Variants in PTK7 observed in about 807,000 individuals in gnomAD.
PTK7 encodes inactive tyrosine-protein kinase 7.
In PTK7, 39 loss-of-function variants were observed where a neutral mutation model predicts 116.6. The observed-to-expected ratio is 0.33, with a 90% CI of 0.26 to 0.44. The LOEUF is 0.44. Ranked by LOEUF, PTK7 falls within the 20% of genes least tolerant of loss-of-function variation. The probability of loss-of-function intolerance (pLI) is 1.00; values close to 1 mark genes in which losing one functional copy is unlikely to be tolerated. For synonymous variants in PTK7, 546 were observed against 563.6 expected, an observed-to-expected ratio of 0.97 and a Z score of 0.44; for missense variants, 1,169 against 1,425.6, an observed-to-expected ratio of 0.82 and a Z score of 2.90.
chr6:43,140,009 G>A (rs1770296168), intron 10 of PTK7, among the ~76,000 whole-genome samples: 1 of 152,196 alleles, frequency 6.6e-6, no homozygotes, highest in Non-Finnish European at 1.5e-5. Flanking sequence ...AGCTGCTTAG[G>A]AGGCTGAAGC....
rs559777363 is a variant in PTK7, at chr6:43,101,323, C to T, written c.79+24756C>T. Among the ~76,000 whole-genome samples, 16 of 151,928 alleles carry T rather than the reference C, an allele frequency of 1.1e-4. No homozygotes were observed. The South Asian group carries it at 1.7e-3, about 16-fold the overall frequency. ...ATCCCAGCACTTTAGGAGGCAGAGG[C>T]GGGCGGATCACAAGGTCAGGAGATT... On this transcript the variant is annotated intron_variant, in intron 1 of 19. Coordinates refer to ENST00000230419, the MANE Select transcript of PTK7 (RefSeq NM_002821.5).
intron 1 of PTK7, among the ~76,000 whole-genome samples, chr6:43,087,019 C>G (rs1475833800): frequency 1.3e-5 from 2 of 152,222 alleles, no homozygotes; most frequent in African/African-American, 4.8e-5. Flanking sequence ...AGCTGTGGCT[C>G]TTTGTTTCCC....
In PTK7 at chr6:43,159,920, T is replaced by A. The variant is rs753303818; in HGVS notation, c.3006T>A (p.His1002Gln). ...FGVLMWEVFTHGEMPHGGQAD... is the reference protein window; with the variant it reads ...FGVLMWEVFTQGEMPHGGQAD... ...TGCTGATGTGGGAAGTGTTTACACATGGAGAGATGCCCCATGGTGGGCAGG... is the reference window on the plus strand; with the variant it reads ...TGCTGATGTGGGAAGTGTTTACACAAGGAGAGATGCCCCATGGTGGGCAGG... The change falls in exon 19 of 20, where the codon CAT becomes CAA. Residue 1002 changes from histidine to glutamine, a missense_variant. His to Gln is a conservative substitution (Grantham distance 24, BLOSUM62 0). Coordinates refer to ENST00000230419, the MANE Select transcript of PTK7 (RefSeq NM_002821.5). 1.2e-6 allele frequency: 2 copies of A among 1,614,162 alleles called. No individual in the cohort carries two copies. Among genetic ancestry groups the A allele is most frequent in the Non-Finnish European group, 8.5e-7 (1 of 1,180,000 alleles).
rs552876659 is a variant in PTK7 at position 43,155,665 on chromosome 6, G to T, written c.2722-3152G>T. Among the ~76,000 whole-genome samples the T allele has an allele frequency of 5.9e-5, 9 of 151,416 alleles. No homozygotes were observed. The East Asian group carries it at 9.8e-4, about 16-fold the overall frequency. Reference sequence around the variant, plus strand: ...TCCATCAAAAAAAAAAAAAGTTAATGTAATTTAGTTACGTTTCATATATAG... The same window carrying T: ...TCCATCAAAAAAAAAAAAAGTTAATTTAATTTAGTTACGTTTCATATATAG... On this transcript the variant is annotated intron_variant, in intron 17 of 19. Coordinates refer to ENST00000230419, the MANE Select transcript of PTK7 (RefSeq NM_002821.5).
chr6:43,079,931 C>T (rs1244571382), intron 1 of PTK7, among the ~76,000 whole-genome samples: 2 of 150,036 alleles, frequency 1.3e-5, no homozygotes, highest in African/African-American at 4.9e-5. Context: ...CATGGTGGCA[C>T]GTGCCTGTGG....
intron 1 of PTK7, among the ~76,000 whole-genome samples, chr6:43,102,099 C>A (rs1767617458): frequency 6.6e-6 from 1 of 151,640 alleles, no homozygotes; most frequent in African/African-American, 2.4e-5. Context: ...TTGCCTCCAA[C>A]TCTGGAGGTG....
intron 1 of PTK7, among the ~76,000 whole-genome samples, chr6:43,118,470 G>GGGTTGCA (rs1376307694): frequency 6.6e-6 from 1 of 151,054 alleles, no homozygotes. Context: ...CAGGAGGCGG[G>GGGTTGCA]GGTTGCAGTG....
chr6:43,080,483 A>G (rs1466445065), intron 1 of PTK7, among the ~76,000 whole-genome samples: 1 of 152,084 alleles, frequency 6.6e-6, no homozygotes, highest in Non-Finnish European at 1.5e-5. Context: ...ATCTTCCCCC[A>G]GTGTTTTTGA....
rs2150446033 is a variant in PTK7 at position 43,139,764 on chromosome 6, G to C, written c.1618+239G>C. ...ACAAGTGATTGGATTGGTTCAGACAGTGCTGTAAAGTCCTCTCTTCCCCTT... is the reference window on the plus strand; with the variant it reads ...ACAAGTGATTGGATTGGTTCAGACACTGCTGTAAAGTCCTCTCTTCCCCTT... On this transcript the variant is annotated intron_variant, in intron 10 of 19. Transcript: ENST00000230419. The surrounding 1 kb of genome is among the most constrained non-coding windows in gnomAD (Gnocchi z 4.6). 6.6e-6 allele frequency among the ~76,000 whole-genome samples: 1 copy of C among 152,360 alleles called. No individual in the cohort carries two copies. Among genetic ancestry groups the C allele is most frequent in the Non-Finnish European group, 1.5e-5 (1 of 68,024 alleles).
intron 1 of PTK7, among the ~76,000 whole-genome samples, chr6:43,124,714 C>G (rs374120805): frequency 2.6e-5 from 4 of 152,172 alleles, no homozygotes; most frequent in African/African-American, 9.7e-5. Context: ...CAACGTCCCC[C>G]GCTGCAAGCT....
At chr6:43,100,214 T>C (rs1315366897) in intron 1 of PTK7, among the ~76,000 whole-genome samples, 2 of 152,056 alleles carry the variant, frequency 1.3e-5, no homozygotes, top group Non-Finnish European at 1.5e-5. Context: ...AAACCCCGTC[T>C]CTACTAAAAA....
At chr6:43,128,542 T>C (rs1238460411) in intron 1 of PTK7, among the ~76,000 whole-genome samples, 4 of 152,168 alleles carry the variant, frequency 2.6e-5, no homozygotes. Flanking sequence ...CCTAGCACTT[T>C]GGGAGGCCGA....
chr6:43,091,461 C>T (rs992408165), intron 1 of PTK7, among the ~76,000 whole-genome samples: 4 of 152,190 alleles, frequency 2.6e-5, no homozygotes, highest in Non-Finnish European at 5.9e-5. Flanking sequence ...GCCACTGCGC[C>T]TGGCCGGTTT....
At chr6:43,136,718 A>G (rs951797382) in intron 7 of PTK7, among the ~76,000 whole-genome samples, 2 of 152,102 alleles carry the variant, frequency 1.3e-5, no homozygotes, top group African/African-American at 2.4e-5. Context: ...AAAATACACC[A>G]TGACCCAGTT....
intron 1 of PTK7, among the ~76,000 whole-genome samples, chr6:43,095,689 C>T (rs899624972): frequency 6.6e-6 from 1 of 152,130 alleles, no homozygotes; most frequent in African/African-American, 2.4e-5. Flanking sequence ...GATGGTGTGC[C>T]TTAAATGATG....
At chr6:43,118,737 ATATGTGTGTG>A (rs1386881836) in intron 1 of PTK7, among the ~76,000 whole-genome samples, 5 of 131,234 alleles carry the variant, frequency 3.8e-5, no homozygotes, top group Non-Finnish European at 7.7e-5. Context: ...ATATATGTAT[ATATGTGTGTG>A]TATGTGTGTG....
chr6:43,080,147 G>T (rs1341676362), intron 1 of PTK7, among the ~76,000 whole-genome samples: 3 of 151,320 alleles, frequency 2.0e-5, no homozygotes. Flanking sequence ...GGTTAGGAGA[G>T]CGAGACCATC....
intron 1 of PTK7, among the ~76,000 whole-genome samples, chr6:43,077,360 C>T (rs1766107163): frequency 1.3e-5 from 2 of 152,174 alleles, no homozygotes; most frequent in African/African-American, 4.8e-5. Context: ...TCCTGACTGT[C>T]CTCACAGAGG....
intron 18 of PTK7, 37 bp from the exon 19 acceptor site, chr6:43,159,751 C>A (rs1213580596): frequency 6.2e-7 from 1 of 1,610,446 alleles, no homozygotes. Context: ...GCCACGCTCC[C>A]ACCCCACCTC....
Sources: allele counts gnomAD v4.1 joint callset (sites outside exome capture counted in the v4.1 genomes callset), GRCh38; gene constraint gnomAD v4.1.1; non-coding constraint Gnocchi (gnomAD v3.1); transcripts MANE v1.5; gene names NCBI Gene and HGNC (gene_info 2026-07-23, HGNC 2026-07-21).